The following UBE2G1 variants were observed in gnomAD, a reference collection of about 807,000 sequenced individuals.
UBE2G1 encodes ubiquitin-conjugating enzyme E2 G1.
Under a neutral mutation model 22.7 loss-of-function variants are expected in UBE2G1, and 5 were observed. The observed-to-expected ratio is 0.22, with a 90% CI of 0.12 to 0.46. The LOEUF (loss-of-function observed/expected upper bound fraction) is 0.46, where lower values mean the gene tolerates loss of function less well. Ranked by LOEUF, UBE2G1 falls within the 20% of genes least tolerant of loss-of-function variation. The probability of loss-of-function intolerance (pLI) is 0.99; values close to 1 mark genes in which losing one functional copy is unlikely to be tolerated. For missense variants in UBE2G1, 88 were observed against 203.9 expected, an observed-to-expected ratio of 0.43 and a Z score of 3.46; for synonymous variants, 74 against 67.5, an observed-to-expected ratio of 1.10 and a Z score of -0.47.
At chr17:4,294,242 C>T (rs1167869739) in intron 3 of UBE2G1, among the ~76,000 whole-genome samples, 1 of 151,924 alleles carries the variant, frequency 6.6e-6, no homozygotes, top group Non-Finnish European at 1.5e-5. Flanking sequence ...ATGGTGAAAC[C>T]CCGACTCTAC....
intron 1 of UBE2G1, among the ~76,000 whole-genome samples, chr17:4,363,154 G>A (rs1969988411): frequency 6.6e-6 from 1 of 152,082 alleles, no homozygotes; most frequent in African/African-American, 2.4e-5. Flanking sequence ...TTATTTCACT[G>A]TGTGTAGTTA....
chr17:4,360,845 G>A (rs1659541971), intron 1 of UBE2G1, among the ~76,000 whole-genome samples: 1 of 152,150 alleles, frequency 6.6e-6, no homozygotes, highest in Non-Finnish European at 1.5e-5. Context: ...TGGGGAGGCG[G>A]AGGTTGTGGT....
intron 1 of UBE2G1, among the ~76,000 whole-genome samples, chr17:4,344,569 A>C (rs748045653): frequency 2.0e-5 from 3 of 151,626 alleles, no homozygotes; most frequent in Non-Finnish European, 4.4e-5. Context: ...AAAAAAGGAA[A>C]GGAAAAAGCT....
intron 5 of UBE2G1, among the ~76,000 whole-genome samples, chr17:4,275,387 T>G (rs1968809500): frequency 6.6e-6 from 1 of 152,198 alleles, no homozygotes; most frequent in Admixed American, 6.5e-5. Flanking sequence ...GCATATCCAT[T>G]TCGCAGAATT....
intron 1 of UBE2G1, among the ~76,000 whole-genome samples, chr17:4,352,531 G>C (rs1040289646): frequency 1.3e-5 from 2 of 152,194 alleles, no homozygotes; most frequent in Admixed American, 1.3e-4. Flanking sequence ...AAGGCTGCTA[G>C]GGCAGAGGAC....
chr17:4,355,595 T>TC lies in UBE2G1; in HGVS notation c.46+10675dup, dbSNP rs1969896875. Among the ~76,000 whole-genome samples the TC allele has an allele frequency of 2.1e-4, 29 of 139,884 alleles. 1 individual carries two copies. The South Asian group carries it at 6.8e-3, about 33-fold the overall frequency. 91.8% of individuals were successfully genotyped at this position (139,884 alleles called of 152,430 possible). ...AGGCCGAGGTTGCGGTGGGCTGAGATCGTGCCACTACACTCCAGCCTGGGC... is the reference window on the plus strand; with the variant it reads ...AGGCCGAGGTTGCGGTGGGCTGAGATCCGTGCCACTACACTCCAGCCTGGGC... On this transcript the variant is annotated intron_variant, in intron 1 of 5. Coordinates refer to ENST00000396981, the MANE Select transcript of UBE2G1 (RefSeq NM_003342.5).
At chr17:4,306,896 C>A (rs529030358) in intron 2 of UBE2G1, 125 bp downstream of exon 2, 2 of 712,588 alleles carry the variant, frequency 2.8e-6, no homozygotes, top group Non-Finnish European at 4.6e-6. Flanking sequence ...ATGATCGGCC[C>A]GCCTTGGCCT....
At chr17:4,301,086 C>G (rs1969172743) in intron 2 of UBE2G1, among the ~76,000 whole-genome samples, 1 of 152,118 alleles carries the variant, frequency 6.6e-6, no homozygotes, top group Non-Finnish European at 1.5e-5. Context: ...CAAATCCTAC[C>G]ATACTGCCAT....
intron 2 of UBE2G1, among the ~76,000 whole-genome samples, chr17:4,300,386 T>C (rs1043108608): frequency 6.6e-6 from 1 of 151,026 alleles, no homozygotes; most frequent in South Asian, 2.1e-4. Context: ...CTACTAAAAA[T>C]GCAAAAATTA....
At chr17:4,279,212 T>C (rs1234094083) in intron 5 of UBE2G1, among the ~76,000 whole-genome samples, 1 of 149,854 alleles carries the variant, frequency 6.7e-6, no homozygotes, top group African/African-American at 2.5e-5. Flanking sequence ...GAGGCGGAGG[T>C]TGCAGTGAGC....
At chr17:4,350,932 C>G (rs955279553) in intron 1 of UBE2G1, among the ~76,000 whole-genome samples, 1 of 151,566 alleles carries the variant, frequency 6.6e-6, no homozygotes, top group Non-Finnish European at 1.5e-5. Flanking sequence ...ACTCGGGAGG[C>G]TGAGGCAGGA....
At chr17:4,295,296 A>G (rs55919415) in intron 3 of UBE2G1, among the ~76,000 whole-genome samples, 9,737 of 152,100 alleles carry the variant, frequency 0.064, 1,076 homozygotes, top group African/African-American at 0.22. Context: ...TGTTAGAGAT[A>G]TTTTCCTCTT....
At chr17:4,310,900 G>A (rs574388469) in intron 1 of UBE2G1, among the ~76,000 whole-genome samples, 24 of 152,230 alleles carry the variant, frequency 1.6e-4, no homozygotes, top group African/African-American at 5.8e-4. Flanking sequence ...AAGAAGTGGG[G>A]CTTAAAGTAG....
At chr17:4,348,909 C>T (rs557997040) in intron 1 of UBE2G1, among the ~76,000 whole-genome samples, 1 of 151,826 alleles carries the variant, frequency 6.6e-6, no homozygotes, top group South Asian at 2.1e-4. Flanking sequence ...AATAATAGGG[C>T]CGGGCACGGT....
chr17:4,335,340 AAC>A (rs988410860), intron 1 of UBE2G1: 3 of 152,184 alleles, frequency 2.0e-5, no homozygotes, highest in Non-Finnish European at 1.5e-5. Flanking sequence ...AAGGGAAAAA[AAC>A]AGTCAGGCTG....
At position 4,269,957 on chromosome 17, in the gene UBE2G1, T is replaced by C. The variant is rs1245969689; in HGVS notation, c.*2597A>G. 3 of 152,616 alleles carry C rather than the reference T, an allele frequency of 2.0e-5. No individual in the cohort carries two copies. The highest frequency in any genetic ancestry group is 7.2e-5 in the African/African-American group (3 of 41,420). The allele number at this position is 152,616 out of a possible 1,614,324, so 9.5% of individuals were successfully genotyped here. On this transcript the variant is annotated 3_prime_UTR_variant, in exon 6 of 6. Coordinates refer to ENST00000396981, the MANE Select transcript of UBE2G1 (RefSeq NM_003342.5). ...GGGTTTCGTATCAAATGTAGAGGCA[T>C]TTAAATTTACATTATCAGATGAACA... is the stretch of plus-strand genomic sequence containing the variant.
intron 4 of UBE2G1, 99 bp downstream of exon 4, chr17:4,289,131 G>T: frequency 3.6e-6 from 3 of 835,966 alleles, no homozygotes; most frequent in Non-Finnish European, 3.3e-6. Context: ...ACACACACAC[G>T]CATGCATACA....
chr17:4,312,106 G>T (rs1303883321), intron 1 of UBE2G1, among the ~76,000 whole-genome samples: 1 of 151,798 alleles, frequency 6.6e-6, no homozygotes, highest in East Asian at 1.9e-4. Context: ...AAATTAGCCG[G>T]GTGGTGGTGG....
intron 4 of UBE2G1, among the ~76,000 whole-genome samples, chr17:4,283,251 G>A (rs567394558): frequency 5.1e-4 from 78 of 152,356 alleles, no homozygotes; most frequent in South Asian, 2.5e-3. Flanking sequence ...CGTGGCGCAC[G>A]TCCATAATCC....
Sources: allele counts gnomAD v4.1 joint callset (sites outside exome capture counted in the v4.1 genomes callset), GRCh38; gene constraint gnomAD v4.1.1; transcripts MANE v1.5; gene names NCBI Gene and HGNC (gene_info 2026-07-23, HGNC 2026-07-21).